Variants in FASN observed in about 807,000 individuals in gnomAD.
FASN encodes the protein fatty acid synthase.
FASN carries 50 observed loss-of-function variants against 250.0 expected under a neutral mutation model. The observed-to-expected ratio is 0.20, with a 90% confidence interval of 0.16 to 0.25. The LOEUF is 0.25. Among genes scored for constraint, FASN ranks in the 10% least tolerant of loss-of-function variants. FASN has a pLI of 1.00. For missense variants in FASN, 3,031 were observed against 3,498.5 expected, an observed-to-expected ratio of 0.87 and a Z score of 3.37; for synonymous variants, 1,909 against 1,584.0, an observed-to-expected ratio of 1.21 and a Z score of -4.87.
intron 41 of FASN, 38 bp downstream of exon 41, chr17:82,080,102 C>T: frequency 6.3e-7 from 1 of 1,592,772 alleles, no homozygotes; most frequent in South Asian, 1.1e-5. Context: ...CTGCCCAGTA[C>T]TCTGGGTCCT....
At position 82,084,260 on chromosome 17, in the gene FASN, G is replaced by A. The variant is rs2034046321; in HGVS notation, c.4893C>T (p.Asp1631=). ...AGTTGGAAGGCACATCCCAGAGGAA[G>A]TCCGGTGACAGCAGGACAGAGGTGG... ...GLATSVLLSP[D]FLWDVPSNWT... Residue 1631 remains aspartate (D), a synonymous_variant, in exon 28 of 43, where the codon GAC becomes GAT. Coordinates refer to ENST00000306749, the MANE Select transcript of FASN (RefSeq NM_004104.5). 2 of 1,612,158 alleles carry A rather than the reference G, an allele frequency of 1.2e-6. No individual in the cohort carries two copies. Among genetic ancestry groups the A allele is most frequent in the Admixed American group, 1.7e-5 (1 of 59,940 alleles).
rs1234976960 is a variant in FASN, at chr17:82,081,121, G to GGA, written c.6595+41_6595+42dup. ...CCAGACAACAAGGAGGAAGGGCTGGGGAGGCCCGGGGACCCCACTCCCGCC... is the reference window on the plus strand; with the variant it reads ...CCAGACAACAAGGAGGAAGGGCTGGGGAGAGGCCCGGGGACCCCACTCCCGCC... On this transcript the variant is annotated intron_variant, in intron 38 of 42. Transcript: ENST00000306749. 5 of 1,542,508 alleles carry GGA rather than the reference G, an allele frequency of 3.2e-6. No individual in the cohort carries two copies. The African/African-American group carries it at 6.8e-5, about 21-fold the overall frequency.
Position 82,085,640 on chromosome 17 carries a change from G to C in FASN, c.3964C>G (p.Leu1322Val). The C allele has an allele frequency of 1.3e-6, 2 of 1,595,058 alleles. No individual in the cohort carries two copies. Among genetic ancestry groups the C allele is most frequent in the Non-Finnish European group, 1.7e-6 (2 of 1,171,664 alleles). Residue 1322 changes from leucine to valine, a missense_variant, in exon 23 of 43, where the codon CTC becomes GTC. Leu to Val is a conservative substitution (Grantham distance 32). Transcript: ENST00000306749. ...LLVCNCAVAA[L>V]GDPASALSNM... ...CTGAGAGCTGAGGCCGGGTCCCCGA[G>C]GGCAGCCACAGCACAGTTGCACACC...
intron 8 of FASN, among the ~76,000 whole-genome samples, chr17:82,092,235 A>C (rs1307835733): frequency 1.3e-5 from 2 of 152,170 alleles, no homozygotes; most frequent in Non-Finnish European, 2.9e-5. Flanking sequence ...GCAGGGCATC[A>C]GGCCTCCAGG....
At chr17:82,096,744 C>T (rs2034311586) in intron 1 of FASN, 2 of 457,708 alleles carry the variant, frequency 4.4e-6, no homozygotes, top group Admixed American at 6.8e-5. Context: ...CCTGGCCTCC[C>T]CAGCAGTTAC....
Position 82,080,149 on chromosome 17 carries a change from C to G in FASN, c.7137G>C (p.Glu2379Asp). The change falls in exon 41 of 43, where the codon GAG (glutamate) becomes GAC (aspartate). Residue 2379 changes from glutamate (E) to aspartate (D), a missense_variant. Transcript: ENST00000306749. ...CFFVQQFTDM[E>D]HNRVLEALLP... Reference sequence around the variant, plus strand: ...GGTGTCCAGGACCCACCCTGTTGTGCTCCATGTCCGTGAACTGCTGCACGA... The same window carrying G: ...GGTGTCCAGGACCCACCCTGTTGTGGTCCATGTCCGTGAACTGCTGCACGA... 1 of 1,613,182 alleles carries G rather than the reference C, an allele frequency of 6.2e-7. No individual in the cohort carries two copies. Among genetic ancestry groups the G allele is most frequent in the Non-Finnish European group, 8.5e-7 (1 of 1,180,014 alleles).
Position 82,086,341 on chromosome 17 carries a change from G to C in FASN, c.3645C>G (p.Leu1215=), listed in dbSNP as rs143299307. The change falls in exon 22 of 43, where the codon CTC becomes CTG. Residue 1215 remains leucine, a synonymous_variant. Transcript: ENST00000306749. ...ERPKLPEDPL[L]SGLLDSPALK... ...GTGCCGGGGAGTCCAGGAGGCCGCTGAGCAGAGGGTCCTCTGGCAGCTTGG... is the reference window on the plus strand; with the variant it reads ...GTGCCGGGGAGTCCAGGAGGCCGCTCAGCAGAGGGTCCTCTGGCAGCTTGG... 583 of 1,607,242 alleles carry C rather than the reference G, an allele frequency of 3.6e-4. 5 individuals are homozygous for C. Among genetic ancestry groups the C allele is most frequent in the Non-Finnish European group, 4.7e-5 (55 of 1,179,402 alleles).
chr17:82,082,800 G>C, intron 33 of FASN, 114 bp downstream of exon 33: 1 of 1,547,170 alleles, frequency 6.5e-7, no homozygotes, highest in Non-Finnish European at 8.8e-7. Context: ...CAAGATGGAG[G>C]GGGACAGACC....
chr17:82,089,399 A>G lies in FASN; in HGVS notation c.1966-15T>C. On this transcript the variant is annotated splice_polypyrimidine_tract_variant and intron_variant, in intron 12 of 42. Coordinates refer to ENST00000306749, the MANE Select transcript of FASN (RefSeq NM_004104.5). ...AACACCGGGGCCTGGACATCGTGGG[A>G]GCCTGGATAAGCATCCTGGCTGGGC... 1 of 1,612,682 alleles carries G rather than the reference A, an allele frequency of 6.2e-7. No homozygotes were observed. Among genetic ancestry groups the G allele is most frequent in the South Asian group, 1.1e-5 (1 of 91,084 alleles).
Position 82,090,462 on chromosome 17 carries a change from A to T in FASN, c.1783T>A (p.Ser595Thr). The change falls in exon 11 of 43, where the codon TCC (serine) becomes ACC (threonine). Residue 595 changes from serine to threonine, a missense_variant. Physicochemically the swap from Ser to Thr is moderately conservative, Grantham distance 58. Transcript: ENST00000306749. ...GCAGCGAGGACGGCCTCCTCCTGGG[A>T]CAGGCAGCCGTCGGCGTAGCCACAG... ...VACGYADGCL[S>T]QEEAVLAAYW... 6.2e-7 allele frequency: 1 copy of T among 1,606,988 alleles called. No homozygotes were observed. The highest frequency in any genetic ancestry group is 8.5e-7 in the Non-Finnish European group (1 of 1,177,774).
chr17:82,091,785 T>G (rs1213710196), intron 8 of FASN, 101 bp from the exon 9 acceptor site: 1 of 1,081,414 alleles, frequency 9.2e-7, no homozygotes. Context: ...GGGCCAGGGT[T>G]CCAGGGCCCT....
At chr17:82,081,434 C>T (rs760483837) in intron 37 of FASN, 82 bp from the exon 38 acceptor site, 48 of 1,563,776 alleles carry the variant, frequency 3.1e-5, no homozygotes, top group African/African-American at 9.5e-5. Context: ...CCCAGGGGTG[C>T]GTGGGCTGTG....
rs374377526 is a variant in FASN, at chr17:82,082,314, G to T, written c.6011+9C>A. 1.9e-6 allele frequency: 3 copies of T among 1,612,054 alleles called. No homozygotes were observed. Among genetic ancestry groups the T allele is most frequent in the South Asian group, 2.2e-5 (2 of 91,064 alleles). On this transcript the variant is annotated intron_variant, in intron 35 of 42. Transcript: ENST00000306749. ...GGCAGAGGCGGGAGCAGGGCTGTGCGGTACCCACCTGTCCAGGTTCAGGGT... is the reference window on the plus strand; with the variant it reads ...GGCAGAGGCGGGAGCAGGGCTGTGCTGTACCCACCTGTCCAGGTTCAGGGT...
At chr17:82,089,210 C>A (rs755055616) in intron 13 of FASN, 38 bp from the exon 14 acceptor site, 2 of 1,606,526 alleles carry the variant, frequency 1.2e-6, no homozygotes, top group East Asian at 2.3e-5. Flanking sequence ...GTTGTGGGTC[C>A]CCTGGCCCGC....
At chr17:82,081,459 C>G in intron 37 of FASN, 107 bp from the exon 38 acceptor site, 1 of 1,572,770 alleles carries the variant, frequency 6.4e-7, no homozygotes, top group Non-Finnish European at 8.6e-7. Context: ...TCCCAAAGCA[C>G]CACCACCACA....
intron 8 of FASN, among the ~76,000 whole-genome samples, chr17:82,091,961 A>G (rs1461174388): frequency 6.6e-6 from 1 of 152,156 alleles, no homozygotes; most frequent in African/African-American, 2.4e-5. Context: ...CCTGAACACT[A>G]AGGCCCCCTT....
Position 82,085,527 on chromosome 17 carries a change from G to C in FASN, c.4077C>G (p.Phe1359Leu), listed in dbSNP as rs2034080090. The C allele has an allele frequency of 6.3e-7, 1 of 1,596,262 alleles. No individual in the cohort carries two copies. Among genetic ancestry groups the C allele is most frequent in the Non-Finnish European group, 8.5e-7 (1 of 1,172,186 alleles). Residue 1359 changes from phenylalanine (F) to leucine (L), a missense_variant, in exon 23 of 43, where the codon TTC becomes TTG. Phe to Leu is a conservative substitution (Grantham distance 22). Transcript: ENST00000306749. ...CATACTGCGGCTCAGTGGAGGTGAG[G>C]AAGGCCACGATGTCCCCGAGGGGGT... ...RGHPLGDIVA[F>L]LTSTEPQYGQ...
In FASN at chr17:82,093,790, A is replaced by G. The variant is rs1229082958; in HGVS notation, c.281-19T>C. On this transcript the variant is annotated intron_variant, in intron 3 of 42. Coordinates refer to ENST00000306749, the MANE Select transcript of FASN (RefSeq NM_004104.5). ...TTGATGCCTGCCACAAACAGTGGTC[A>G]AGGTGCCACGGCCGGGCCCCACAGC... is the stretch of plus-strand genomic sequence containing the variant. The G allele has an allele frequency of 6.2e-7, 1 of 1,611,572 alleles. No individual in the cohort carries two copies. Among genetic ancestry groups the G allele is most frequent in the African/African-American group, 1.3e-5 (1 of 74,888 alleles).
At chr17:82,083,923 C>CAGGGCGGCGGGGCCAGG (rs1480121693) in intron 29 of FASN, 32 bp from the exon 30 acceptor site, 3 of 1,551,860 alleles carry the variant, frequency 1.9e-6, no homozygotes, top group East Asian at 4.8e-5. Flanking sequence ...GCTGGTGAGC[C>CAGGGCGGCGGGGCCAGG]AGGGCGGCGG....
Sources: allele counts gnomAD v4.1 joint callset (sites outside exome capture counted in the v4.1 genomes callset), GRCh38; gene constraint gnomAD v4.1.1; transcripts MANE v1.5; gene names NCBI Gene and HGNC (gene_info 2026-07-23, HGNC 2026-07-21).